SUGT1: variants seen among roughly 807,000 people sequenced by gnomAD.
SUGT1 encodes the protein protein SGT1 homolog.
A neutral mutation model predicts 56.1 loss-of-function variants in SUGT1; 15 were observed. The ratio of observed to expected loss-of-function variants is 0.27; its 90% CI spans 0.18 to 0.41. The LOEUF is 0.41. Among genes scored for constraint, SUGT1 ranks in the 10% least tolerant of loss-of-function variants. The probability of loss-of-function intolerance (pLI) is 1.00; values close to 1 mark genes in which losing one functional copy is unlikely to be tolerated. For missense variants in SUGT1, 347 were observed against 382.2 expected (o/e 0.91, Z 0.77); for synonymous variants, 123 against 128.6 (o/e 0.96, Z 0.30).
At chr13:52,666,154 C>T (rs560252491) in intron 9 of SUGT1, among the ~76,000 whole-genome samples, 91 of 152,154 alleles carry the variant, frequency 6.0e-4, no homozygotes, top group Non-Finnish European at 8.4e-4. Context: ...GGCGCAATTT[C>T]GGCTCACTGC....
rs776893454 is a variant in SUGT1 at position 52,658,482 on chromosome 13, A to T, written c.257+14A>T. ...GCTGAGAAAAGGGTATGCAGTAGCT[A>T]CTCTTCTTGTTGAGCTTGGTATAGA... On this transcript the variant is annotated intron_variant, in intron 4 of 12. Coordinates refer to ENST00000310528, the MANE Select transcript of SUGT1 (RefSeq NM_006704.5). 1.2e-6 allele frequency: 2 copies of T among 1,604,510 alleles called. No individual in the cohort carries two copies. The highest frequency in any genetic ancestry group is 2.7e-5 in the African/African-American group (2 of 74,382).
rs768356018 is a variant in SUGT1 at position 52,665,749 on chromosome 13, C to T, written c.519+16C>T. On this transcript the variant is annotated intron_variant, in intron 9 of 12. Coordinates refer to ENST00000310528, the MANE Select transcript of SUGT1 (RefSeq NM_006704.5). ...AGAAAAAGAGGTCAGTAGACTGAAT[C>T]ATTTTTCAATGTTGATTACTATTAT... 14 of 1,541,444 alleles carry T rather than the reference C, an allele frequency of 9.1e-6. No homozygotes were observed. The highest frequency in any genetic ancestry group is 1.1e-5 in the Non-Finnish European group (13 of 1,135,584).
intron 11 of SUGT1, 130 bp from the exon 12 acceptor site, chr13:52,679,844 T>C (rs541355779): frequency 1.4e-4 from 114 of 823,784 alleles, no homozygotes; most frequent in African/African-American, 1.3e-3. Context: ...AAGACACTTA[T>C]TGCATACCTG....
chr13:52,661,398 T>A (rs1962442261), intron 5 of SUGT1: 2 of 195,412 alleles, frequency 1.0e-5, no homozygotes, highest in South Asian at 1.3e-4. Flanking sequence ...GTTCAGGTGA[T>A]TCTCCTGCCT....
chr13:52,678,280 C>T (rs1343570728), intron 11 of SUGT1, among the ~76,000 whole-genome samples: 2 of 151,694 alleles, frequency 1.3e-5, no homozygotes, highest in Non-Finnish European at 2.9e-5. Flanking sequence ...TATATTTGGC[C>T]CTGAAAAAAA....
chr13:52,656,915 A>T (rs1451205209), intron 2 of SUGT1, among the ~76,000 whole-genome samples: 1 of 152,226 alleles, frequency 6.6e-6, no homozygotes, highest in African/African-American at 2.4e-5. Context: ...GTGACTGCAC[A>T]AGTTAAAAAA....
chr13:52,669,908 T>C (rs1214523666), intron 10 of SUGT1, among the ~76,000 whole-genome samples: 1 of 152,226 alleles, frequency 6.6e-6, no homozygotes, highest in South Asian at 2.1e-4. Context: ...TACTGAGGCT[T>C]ACTTCGTGGA....
At position 52,692,856 on chromosome 13, in the gene SUGT1, T is replaced by C. The variant is rs545243270; in HGVS notation, c.*5021T>C. 3 of 152,320 alleles carry C rather than the reference T, an allele frequency of 2.0e-5. No individual in the cohort carries two copies. Among genetic ancestry groups the C allele is most frequent in the Admixed American group, 2.0e-4 (3 of 15,304 alleles). 9.4% of individuals were successfully genotyped at this position (152,320 alleles called of 1,614,324 possible). ...AGTCTGATTTTTGAGAGGGTGCTGT[T>C]TTTCTCAAATCTAGATCATTACAGA... is the stretch of plus-strand genomic sequence containing the variant. On this transcript the variant is annotated 3_prime_UTR_variant, in exon 13 of 13. Coordinates refer to ENST00000310528, the MANE Select transcript of SUGT1 (RefSeq NM_006704.5).
chr13:52,677,786 C>CT (rs1963208802), intron 11 of SUGT1, among the ~76,000 whole-genome samples: 6 of 12,544 alleles, frequency 4.8e-4, no homozygotes, highest in Admixed American at 2.1e-3. Flanking sequence ...ACATGAGTAT[C>CT]TAGTAGTTAT....
At position 52,687,736 on chromosome 13, in the gene SUGT1, G is replaced by C; in HGVS notation, c.903G>C (p.Met301Ile). The change falls in exon 13 of 13, where the codon ATG (methionine) becomes ATC (isoleucine). Residue 301 changes from methionine to isoleucine, a missense_variant and splice_region_variant. Met to Ile is a conservative substitution (Grantham distance 10). Transcript: ENST00000310528. The stretch of plus-strand genomic sequence containing the variant: ...TCTATTTTTATTTTTCATTGCAGAT[G>C]GAGTCGGGTGGTACAGTTTTGAGTA... ...EVKRAMNKSFMESGGTVLSTN... is the reference protein window; with the variant it reads ...EVKRAMNKSFIESGGTVLSTN... 6.4e-7 allele frequency: 1 copy of C among 1,573,858 alleles called. No individual in the cohort carries two copies. The highest frequency in any genetic ancestry group is 8.6e-7 in the Non-Finnish European group (1 of 1,166,436).
At chr13:52,656,194 G>T (rs1315310177) in intron 2 of SUGT1, among the ~76,000 whole-genome samples, 1 of 152,174 alleles carries the variant, frequency 6.6e-6, no homozygotes, top group African/African-American at 2.4e-5. Context: ...AAAAAAGTCT[G>T]CAAGAAGAAA....
chr13:52,652,878 G>T lies in SUGT1; in HGVS notation c.-43G>T, dbSNP rs763894350. ...TTGGGCGGTGGTGGAGGTGGTAACCGTGATAGTAGCAGCTCCGGCGGCAGC... is the reference window on the plus strand; with the variant it reads ...TTGGGCGGTGGTGGAGGTGGTAACCTTGATAGTAGCAGCTCCGGCGGCAGC... On this transcript the variant is annotated 5_prime_UTR_variant, in exon 1 of 13. Coordinates refer to ENST00000310528, the MANE Select transcript of SUGT1 (RefSeq NM_006704.5). 12 of 1,603,938 alleles carry T rather than the reference G, an allele frequency of 7.5e-6. No individual in the cohort carries two copies. The highest frequency in any genetic ancestry group is 1.7e-6 in the Non-Finnish European group (2 of 1,174,644).
chr13:52,663,802 A>G (rs1962564837), intron 7 of SUGT1, among the ~76,000 whole-genome samples: 1 of 152,204 alleles, frequency 6.6e-6, no homozygotes, highest in South Asian at 2.1e-4. Flanking sequence ...CTTTTATGAA[A>G]TTCAATCTAA....
rs1399536523 is a variant in SUGT1, at chr13:52,690,328, A to C, written c.*2493A>C. ...TTAAGAGCCTCTTAACTCTATCCTT[A>C]TCCTCTGCTATCTCAATGTAGCTAT... On this transcript the variant is annotated 3_prime_UTR_variant, in exon 13 of 13. Coordinates refer to ENST00000310528, the MANE Select transcript of SUGT1 (RefSeq NM_006704.5). 1 of 152,180 alleles carries C rather than the reference A, an allele frequency of 6.6e-6. No homozygotes were observed. The highest frequency in any genetic ancestry group is 2.4e-5 in the African/African-American group (1 of 41,448). The allele number at this position is 152,180 out of a possible 1,614,324, so 9.4% of individuals were successfully genotyped here. A position where few individuals can be genotyped will look rare whatever the true frequency, so the allele number is the denominator to read the frequency against.
In SUGT1 at chr13:52,659,789, AATATAT is replaced by A. The variant is rs1213211180; in HGVS notation, c.328+561_328+566del. On this transcript the variant is annotated intron_variant, in intron 5 of 12. Transcript: ENST00000310528. ...ACATATAGAAATTGTGAGAGTCAAGAATATATATATATATATATATATATATTTTTT... is the reference window on the plus strand; with the variant it reads ...ACATATAGAAATTGTGAGAGTCAAGAATATATATATATATATATATTTTTT... 3.4e-3 allele frequency among the ~76,000 whole-genome samples: 165 copies of A among 48,964 alleles called. 3 individuals carry two copies. Among genetic ancestry groups the A allele is most frequent in the African/African-American group, 7.1e-3 (105 of 14,856 alleles). The allele number at this position is 48,964 out of a possible 152,430, so 32.1% of individuals were successfully genotyped here.
intron 8 of SUGT1, 43 bp downstream of exon 8, chr13:52,664,100 C>A (rs770711545): frequency 4.4e-6 from 7 of 1,583,200 alleles, no homozygotes; most frequent in Non-Finnish European, 6.1e-6. Context: ...ATAAATATGC[C>A]TAAAGAGGAA....
At chr13:52,671,419 T>C (rs1962931700) in intron 10 of SUGT1, among the ~76,000 whole-genome samples, 1 of 152,174 alleles carries the variant, frequency 6.6e-6, no homozygotes. Flanking sequence ...ATGCATGTAC[T>C]GTAGCTTATT....
At position 52,658,381 on chromosome 13, in the gene SUGT1, C is replaced by T. The variant is rs866243837; in HGVS notation, c.188-18C>T. Reference sequence around the variant, plus strand: ...GATCTATAAATAACTGACTAAAAACCCGTCTTTTTCTACACAGTTGCTGTT... The same window carrying T: ...GATCTATAAATAACTGACTAAAAACTCGTCTTTTTCTACACAGTTGCTGTT... On this transcript the variant is annotated intron_variant, in intron 3 of 12. Coordinates refer to ENST00000310528, the MANE Select transcript of SUGT1 (RefSeq NM_006704.5). 4 of 1,608,976 alleles carry T rather than the reference C, an allele frequency of 2.5e-6. No homozygotes were observed. Among genetic ancestry groups the T allele is most frequent in the Non-Finnish European group, 3.4e-6 (4 of 1,178,696 alleles).
rs563578165 is a variant in SUGT1, at chr13:52,694,306, C to A, written c.*6471C>A. On this transcript the variant is annotated 3_prime_UTR_variant, in exon 13 of 13. Transcript: ENST00000310528. ...TTTTTGTGTTGTAAGTTCAGTCTTTCAAGATGTGGAATTCTGTCTGAGGAA... is the reference window on the plus strand; with the variant it reads ...TTTTTGTGTTGTAAGTTCAGTCTTTAAAGATGTGGAATTCTGTCTGAGGAA... The A allele has an allele frequency of 1.3e-5, 2 of 152,242 alleles. No homozygotes were observed. Among genetic ancestry groups the A allele is most frequent in the African/African-American group, 4.8e-5 (2 of 41,552 alleles). 9.4% of individuals were successfully genotyped at this position (152,242 alleles called of 1,614,324 possible).
Sources: gnomAD v4.1 joint callset for allele counts (sites outside exome capture counted in the v4.1 genomes callset) on GRCh38, gnomAD v4.1.1 for gene constraint, MANE v1.5 for transcripts, NCBI Gene and HGNC (gene_info 2026-07-23, HGNC 2026-07-21) for gene names.